NCOA6: variants seen among roughly 807,000 people sequenced by gnomAD.
NCOA6 encodes nuclear receptor coactivator 6.
A neutral mutation model predicts 171.4 loss-of-function variants in NCOA6; 49 were observed. That is an observed-to-expected ratio of 0.29 (90% CI 0.23 to 0.36). NCOA6 has a LOEUF of 0.36. NCOA6 is among the 10% of genes least tolerant of loss of function. The probability of loss-of-function intolerance (pLI) is 1.00; values close to 1 mark genes in which losing one functional copy is unlikely to be tolerated. For synonymous variants in NCOA6, 910 were observed against 927.5 expected, an observed-to-expected ratio of 0.98 and a Z score of 0.34; for missense variants, 2,248 against 2,554.5, an observed-to-expected ratio of 0.88 and a Z score of 2.59.
chr20:34,759,029 G>GT (rs11476500), intron 5 of NCOA6, 96 bp from the exon 6 acceptor site: 82,611 of 1,021,186 alleles, frequency 0.081, no homozygotes, highest in East Asian at 0.13. Flanking sequence ...TGGAAAATTT[G>GT]TTTTTTTTTT....
At chr20:34,825,413 A>G (rs1279969679) in intron 1 of NCOA6, 59 bp downstream of exon 1, 1 of 148,362 alleles carries the variant, frequency 6.7e-6, no homozygotes, top group Non-Finnish European at 1.5e-5. Flanking sequence ...CCAGCCCGAC[A>G]AGGACCGCGG....
chr20:34,805,572 A>G (rs1206784322), intron 1 of NCOA6, among the ~76,000 whole-genome samples: 2 of 152,136 alleles, frequency 1.3e-5, no homozygotes, highest in Non-Finnish European at 2.9e-5. Flanking sequence ...TATTGTGAAT[A>G]GTGCTGCAAT....
At chr20:34,716,215 CA>C (rs34030662) in intron 14 of NCOA6, among the ~76,000 whole-genome samples, 95 of 73,780 alleles carry the variant, frequency 1.3e-3, no homozygotes, top group South Asian at 7.0e-3. Context: ...GACTCCGTCT[CA>C]AAAAAAAAAA....
At chr20:34,717,863 A>G (rs955395411) in intron 14 of NCOA6, among the ~76,000 whole-genome samples, 11 of 152,196 alleles carry the variant, frequency 7.2e-5, no homozygotes, top group African/African-American at 2.7e-4. Context: ...AACTAGGTCA[A>G]CTTTGGAAGC....
At chr20:34,789,822 T>C (rs1482159660) in intron 2 of NCOA6, among the ~76,000 whole-genome samples, 1 of 152,128 alleles carries the variant, frequency 6.6e-6, no homozygotes, top group Non-Finnish European at 1.5e-5. Flanking sequence ...AAATACTCGG[T>C]AAATGTCAAA....
intron 13 of NCOA6, 95 bp downstream of exon 13, chr20:34,732,464 C>A (rs1222579660): frequency 7.4e-6 from 9 of 1,210,200 alleles, no homozygotes; most frequent in Non-Finnish European, 9.5e-6. Context: ...AGGAAAAGGA[C>A]AAGGTGAAGA....
chr20:34,773,494 G>C (rs113798280), intron 4 of NCOA6, among the ~76,000 whole-genome samples: 2 of 151,392 alleles, frequency 1.3e-5, no homozygotes, highest in African/African-American at 4.9e-5. Flanking sequence ...TGCTCTTGTC[G>C]CCCAGGCTGG....
chr20:34,750,501 G>A lies in NCOA6; in HGVS notation c.1694C>T (p.Pro565Leu). The change falls in exon 9 of 15, where the codon CCT becomes CTT. Residue 565 changes from proline (P) to leucine (L), a missense_variant. Coordinates refer to ENST00000359003, the MANE Select transcript of NCOA6 (RefSeq NM_014071.5). The stretch of plus-strand genomic sequence containing the variant: ...GGACACCTGCATCTGGTTTTGAGGA[G>A]GACCAGCTCCTTGACCACCTTAAAA... The part of the protein sequence containing the change: ...VQHAGGQGAG[P>L]PQNQMQVSHG... 1 of 1,591,084 alleles carries A rather than the reference G, an allele frequency of 6.3e-7. No individual in the cohort carries two copies. The highest frequency in any genetic ancestry group is 8.6e-7 in the Non-Finnish European group (1 of 1,169,000).
At chr20:34,758,993 A>G in intron 5 of NCOA6, 60 bp from the exon 6 acceptor site, 9 of 1,520,792 alleles carry the variant, frequency 5.9e-6, no homozygotes, top group South Asian at 1.2e-5. Context: ...TTTTTTAATG[A>G]GTTATTTCAA....
intron 1 of NCOA6, among the ~76,000 whole-genome samples, chr20:34,810,747 G>A (rs185470494): frequency 3.3e-5 from 5 of 152,110 alleles, no homozygotes; most frequent in East Asian, 1.9e-4. Context: ...TAGAAGAGTC[G>A]CGGTTTCACC....
intron 5 of NCOA6, among the ~76,000 whole-genome samples, chr20:34,763,768 G>T (rs887528960): frequency 6.6e-6 from 1 of 152,120 alleles, no homozygotes; most frequent in African/African-American, 2.4e-5. Context: ...CCCACCTAAC[G>T]TCTAGAGCCC....
At chr20:34,817,125 ACACAC>A (rs2078862222) in intron 1 of NCOA6, among the ~76,000 whole-genome samples, 1 of 107,598 alleles carries the variant, frequency 9.3e-6, no homozygotes, top group East Asian at 2.2e-4. Context: ...TCCATCACAC[ACACAC>A]ACAAAAAAGC....
At chr20:34,811,714 G>C (rs1404512022) in intron 1 of NCOA6, among the ~76,000 whole-genome samples, 1 of 152,136 alleles carries the variant, frequency 6.6e-6, no homozygotes, top group Non-Finnish European at 1.5e-5. Context: ...CTGTGGAATG[G>C]TTAATTGAAA....
At chr20:34,824,816 C>A (rs920468883) in intron 1 of NCOA6, among the ~76,000 whole-genome samples, 28 of 152,228 alleles carry the variant, frequency 1.8e-4, no homozygotes, top group African/African-American at 6.7e-4. Flanking sequence ...TGCAATTCAG[C>A]CCCAGTACCC....
At chr20:34,758,658 G>T in intron 6 of NCOA6, 147 bp downstream of exon 6, 2 of 1,064,480 alleles carry the variant, frequency 1.9e-6, no homozygotes, top group Non-Finnish European at 2.7e-6. Context: ...ATGACATTTA[G>T]TTTGAAGAAA....
At chr20:34,808,681 G>A (rs1044514610) in intron 1 of NCOA6, among the ~76,000 whole-genome samples, 7 of 152,040 alleles carry the variant, frequency 4.6e-5, no homozygotes, top group Admixed American at 3.3e-4. Flanking sequence ...CAGGTGATCC[G>A]CCTGCCTCGA....
chr20:34,771,830 C>G (rs1400539890), intron 4 of NCOA6, among the ~76,000 whole-genome samples: 2 of 152,174 alleles, frequency 1.3e-5, no homozygotes, highest in Non-Finnish European at 2.9e-5. Flanking sequence ...AAGGCCTCTA[C>G]CAACCATCTT....
At chr20:34,740,337 G>C (rs946264134) in intron 11 of NCOA6, 26 bp downstream of exon 11, 1 of 1,590,096 alleles carries the variant, frequency 6.3e-7, no homozygotes, top group Admixed American at 1.7e-5. Context: ...CTGACACAAA[G>C]AGATGATGAA....
In NCOA6 at chr20:34,742,369, T is replaced by A. The variant is rs746319060; in HGVS notation, c.3887A>T (p.Asn1296Ile). The change falls in exon 11 of 15, where the codon AAT becomes ATT. Residue 1296 changes from asparagine to isoleucine, a missense_variant. Asn to Ile is a moderately radical substitution (Grantham distance 149, BLOSUM62 -3). Coordinates refer to ENST00000359003, the MANE Select transcript of NCOA6 (RefSeq NM_014071.5). ...TTTGTGAGTTTGTGGGGTAGCAAAA[T>A]TGGAAGGATTCATGGTAAGATTTGA... Reference protein sequence around the residue: ...APSNLTMNPSNFATPQTHKLD... With the variant: ...APSNLTMNPSIFATPQTHKLD... 2.5e-6 allele frequency: 4 copies of A among 1,614,002 alleles called. No individual in the cohort carries two copies. The highest frequency in any genetic ancestry group is 2.5e-6 in the Non-Finnish European group (3 of 1,180,032).
Sources: allele counts gnomAD v4.1 joint callset (sites outside exome capture counted in the v4.1 genomes callset), GRCh38; gene constraint gnomAD v4.1.1; transcripts MANE v1.5; gene names NCBI Gene and HGNC (gene_info 2026-07-23, HGNC 2026-07-21).